ZMYM4: variants seen among roughly 807,000 people sequenced by gnomAD.
ZMYM4 encodes zinc finger MYM-type protein 4.
Under a neutral mutation model 183.2 loss-of-function variants are expected in ZMYM4, and 31 were observed. The observed-to-expected ratio is 0.17, with a 90% CI of 0.13 to 0.23. ZMYM4 has a LOEUF of 0.23. Among genes scored for constraint, ZMYM4 ranks in the 10% least tolerant of loss-of-function variants. The probability of loss-of-function intolerance (pLI) is 1.00; values close to 1 mark genes in which losing one functional copy is unlikely to be tolerated. For missense variants in ZMYM4, 1,273 were observed against 1,840.3 expected (o/e 0.69, Z 5.64); for synonymous variants, 592 against 631.2 (o/e 0.94, Z 0.93).
Position 35,389,754 on chromosome 1 carries a change from CAA to C in ZMYM4, c.2437-180_2437-179del, listed in dbSNP as rs1173420649. ...TGGGCGATAGAGCAAGGCTCTGTCT[CAA>C]AAAAAAAAAAAAATATATATATATA... On this transcript the variant is annotated intron_variant, in intron 14 of 29. Transcript: ENST00000314607. This position sits in a 1 kb window ranked among gnomAD's most constrained non-coding sequence, Gnocchi z 4.0. 0.036 allele frequency among the ~76,000 whole-genome samples: 3,289 copies of C among 91,506 alleles called. 105 individuals are homozygous for C. The highest frequency in any genetic ancestry group is 0.11 in the African/African-American group (2,876 of 27,034). 60.0% of individuals were successfully genotyped at this position (91,506 alleles called of 152,430 possible). A position where few individuals can be genotyped will look rare whatever the true frequency, so the allele number is the denominator to read the frequency against.
intron 9 of ZMYM4, 100 bp from the exon 10 acceptor site, chr1:35,385,342 G>T (rs1644553453): frequency 1.6e-6 from 2 of 1,262,326 alleles, no homozygotes; most frequent in Non-Finnish European, 2.2e-6. Context: ...GAAAATCACT[G>T]ATTTCAAATA....
At chr1:35,272,748 G>A (rs548317980) in intron 1 of ZMYM4, among the ~76,000 whole-genome samples, 3 of 152,206 alleles carry the variant, frequency 2.0e-5, no homozygotes, top group African/African-American at 7.2e-5. Flanking sequence ...TTGCTCTGTC[G>A]CCCATGCTGG....
At chr1:35,309,753 C>T (rs1207627619) in intron 1 of ZMYM4, among the ~76,000 whole-genome samples, 1 of 151,780 alleles carries the variant, frequency 6.6e-6, no homozygotes, top group Non-Finnish European at 1.5e-5. Flanking sequence ...CACTGTAGTC[C>T]AGCCTGGCCG....
In ZMYM4 at chr1:35,293,004, A is replaced by T. The variant is rs552254473; in HGVS notation, c.39+23919A>T. On this transcript the variant is annotated intron_variant, in intron 1 of 29. Transcript: ENST00000314607. Reference sequence around the variant, plus strand: ...GAATTGTGTCTGTGATACCATTAACATTTTTTTTTTTTTTGAGACAGGTTC... The same window carrying T: ...GAATTGTGTCTGTGATACCATTAACTTTTTTTTTTTTTTTGAGACAGGTTC... Among the ~76,000 whole-genome samples, 1,241 of 145,460 alleles carry T rather than the reference A, an allele frequency of 8.5e-3. 9 individuals carry two copies. The highest frequency in any genetic ancestry group is 0.014 in the Middle Eastern group (4 of 280).
intron 24 of ZMYM4, 23 bp downstream of exon 24, chr1:35,405,217 A>T (rs747431145): frequency 6.2e-7 from 1 of 1,609,748 alleles, no homozygotes; most frequent in South Asian, 1.1e-5. Flanking sequence ...CATGAATTGT[A>T]TCTTGATTTA....
intron 25 of ZMYM4, among the ~76,000 whole-genome samples, chr1:35,405,814 G>T (rs888802550): frequency 1.3e-5 from 2 of 148,812 alleles, no homozygotes; most frequent in African/African-American, 2.5e-5. Flanking sequence ...TGCTTCTAAT[G>T]TAGGAATTTT....
chr1:35,367,480 C>T (rs536844339), intron 5 of ZMYM4, among the ~76,000 whole-genome samples: 39 of 152,126 alleles, frequency 2.6e-4, no homozygotes, highest in African/African-American at 8.7e-4. Flanking sequence ...CCACCCACCT[C>T]GGCCTCCCAA....
At chr1:35,419,094 G>A (rs376140808) in intron 29 of ZMYM4, among the ~76,000 whole-genome samples, 20 of 152,218 alleles carry the variant, frequency 1.3e-4, no homozygotes, top group African/African-American at 4.3e-4. Flanking sequence ...GTGGTGCTTG[G>A]CCATAGTGTC....
chr1:35,296,783 T>G (rs1276099416), intron 1 of ZMYM4, among the ~76,000 whole-genome samples: 2 of 152,118 alleles, frequency 1.3e-5, no homozygotes, highest in Admixed American at 6.6e-5. Flanking sequence ...CCATTTGAAG[T>G]TTCAAGGTCC....
At chr1:35,374,119 C>T (rs545675075) in intron 7 of ZMYM4, among the ~76,000 whole-genome samples, 1 of 149,670 alleles carries the variant, frequency 6.7e-6, no homozygotes, top group East Asian at 2.0e-4. Flanking sequence ...GCAACCTCCA[C>T]CTCCGGGGTT....
chr1:35,350,225 A>G (rs886707168), intron 2 of ZMYM4, among the ~76,000 whole-genome samples: 1 of 131,416 alleles, frequency 7.6e-6, no homozygotes, highest in African/African-American at 3.0e-5. Context: ...TCCATCTTGA[A>G]AAAAAAAAAA....
At chr1:35,316,506 T>A (rs1449990979) in intron 1 of ZMYM4, among the ~76,000 whole-genome samples, 1 of 152,220 alleles carries the variant, frequency 6.6e-6, no homozygotes, top group Non-Finnish European at 1.5e-5. Flanking sequence ...AGCAGATGTC[T>A]CACGAGCAGT....
chr1:35,374,213 T>A (rs1644284088), intron 7 of ZMYM4, among the ~76,000 whole-genome samples: 1 of 151,412 alleles, frequency 6.6e-6, no homozygotes, highest in South Asian at 2.1e-4. Context: ...TTTGTATTTT[T>A]AGTAGAGATG....
rs750048377 is a variant in ZMYM4 at position 35,381,317 on chromosome 1, A to G, written c.1240A>G (p.Lys414Glu). ...SAQFENTTTSKDFCSQSCLST... is the reference protein window; with the variant it reads ...SAQFENTTTSEDFCSQSCLST... ...CCAGTTTGAAAACACCACCACTAGT[A>G]AAGATTTTTGCAGTCAGTCATGTTT... Residue 414 changes from lysine to glutamate, a missense_variant, in exon 8 of 30, where the codon AAA (lysine) becomes GAA (glutamate). Around this residue, in one of 6 missense-constraint regions of ZMYM4, gnomAD observed 319 missense variants for 518.1 expected, o/e 0.62. Coordinates refer to ENST00000314607, the MANE Select transcript of ZMYM4 (RefSeq NM_005095.3). 1.9e-6 allele frequency: 3 copies of G among 1,613,488 alleles called. No individual in the cohort carries two copies. The highest frequency in any genetic ancestry group is 2.5e-6 in the Non-Finnish European group (3 of 1,179,660).
chr1:35,277,304 C>A (rs1018843532), intron 1 of ZMYM4, among the ~76,000 whole-genome samples: 2 of 152,124 alleles, frequency 1.3e-5, no homozygotes, highest in Non-Finnish European at 2.9e-5. Flanking sequence ...GGTTCAGTTT[C>A]TTTGGCAAGA....
intron 19 of ZMYM4, 105 bp from the exon 20 acceptor site, chr1:35,397,272 C>A: frequency 1.6e-6 from 2 of 1,274,344 alleles, no homozygotes; most frequent in Non-Finnish European, 2.1e-6. Context: ...ATGAATATAC[C>A]TTAAATTTGT....
intron 2 of ZMYM4, among the ~76,000 whole-genome samples, chr1:35,357,807 A>G (rs890197642): frequency 1.3e-5 from 2 of 152,224 alleles, no homozygotes; most frequent in African/African-American, 4.8e-5. Flanking sequence ...TCTAAGCTTA[A>G]GTGCTTAGGA....
intron 1 of ZMYM4, among the ~76,000 whole-genome samples, chr1:35,283,378 C>T (rs1467376904): frequency 1.5e-5 from 2 of 129,326 alleles, no homozygotes; most frequent in East Asian, 2.2e-4. Context: ...TGCTCAGTCG[C>T]CCAGGCTGGA....
intron 22 of ZMYM4, 21 bp downstream of exon 22, chr1:35,399,064 C>G: frequency 6.2e-7 from 1 of 1,608,228 alleles, no homozygotes. Flanking sequence ...AGTAACCTGT[C>G]CACTGAAAGC....
Sources: allele counts gnomAD v4.1 joint callset (sites outside exome capture counted in the v4.1 genomes callset), GRCh38; gene constraint gnomAD v4.1.1; regional missense constraint gnomAD v4.1.1; non-coding constraint Gnocchi (gnomAD v3.1); transcripts MANE v1.5; gene names NCBI Gene and HGNC (gene_info 2026-07-23, HGNC 2026-07-21).